The following ADGRL3 variants were observed in gnomAD, a reference collection of about 807,000 sequenced individuals.
The protein encoded by ADGRL3 is adhesion G protein-coupled receptor L3.
A neutral mutation model predicts 153.5 loss-of-function variants in ADGRL3; 62 were observed. That is an observed-to-expected ratio of 0.40 (90% CI 0.33 to 0.50). ADGRL3 has a LOEUF of 0.50. ADGRL3 is among the 20% of genes least tolerant of loss of function. The pLI, the probability that ADGRL3 is intolerant of heterozygous loss-of-function variation, is 0.47. For synonymous variants in ADGRL3, 710 were observed against 672.5 expected (o/e 1.06, Z -0.86); for missense variants, 1,641 against 1,859.4 (o/e 0.88, Z 2.16).
At chr4:61,510,436 T>C (rs1366333222) in intron 3 of ADGRL3, among the ~76,000 whole-genome samples, 4 of 152,214 alleles carry the variant, frequency 2.6e-5, no homozygotes, top group African/African-American at 7.2e-5. Context: ...TTTTTGCATA[T>C]GCTGAAAAGT....
At chr4:61,887,981 T>G (rs2098549136) in intron 9 of ADGRL3, among the ~76,000 whole-genome samples, 1 of 152,220 alleles carries the variant, frequency 6.6e-6, no homozygotes, top group East Asian at 1.9e-4. Flanking sequence ...GTTTATTCTT[T>G]TCAAGGCAGG....
At chr4:61,819,069 CATCTT>C (rs2097721093) in intron 9 of ADGRL3, among the ~76,000 whole-genome samples, 1 of 152,164 alleles carries the variant, frequency 6.6e-6, no homozygotes, top group African/African-American at 2.4e-5. Flanking sequence ...TATAACCCCT[CATCTT>C]AATTTATAAT....
intron 8 of ADGRL3, among the ~76,000 whole-genome samples, chr4:61,804,310 G>A (rs1006779001): frequency 2.6e-5 from 4 of 152,082 alleles, no homozygotes; most frequent in Non-Finnish European, 5.9e-5. Context: ...TAACTAACAT[G>A]CTGTCAAATC....
intron 2 of ADGRL3, among the ~76,000 whole-genome samples, chr4:61,464,974 A>G (rs1560679764): frequency 6.6e-6 from 1 of 152,012 alleles, no homozygotes; most frequent in East Asian, 1.9e-4. Context: ...GAACCAAAAA[A>G]CTCTGGGGTC....
chr4:61,435,045 A>T (rs1424888828), intron 2 of ADGRL3, among the ~76,000 whole-genome samples: 2 of 152,122 alleles, frequency 1.3e-5, no homozygotes, highest in African/African-American at 4.8e-5. Context: ...CATTTATGGT[A>T]GATGATATTG....
intron 1 of ADGRL3, among the ~76,000 whole-genome samples, chr4:61,257,001 T>C (rs2092033984): frequency 6.6e-6 from 1 of 152,118 alleles, no homozygotes; most frequent in African/African-American, 2.4e-5. Flanking sequence ...AATTGAAACA[T>C]GAAAATTATA....
At chr4:61,401,389 A>T (rs2096928617) in intron 2 of ADGRL3, among the ~76,000 whole-genome samples, 1 of 151,988 alleles carries the variant, frequency 6.6e-6, no homozygotes, top group African/African-American at 2.4e-5. Context: ...TAATCATTAA[A>T]CAATTATATT....
intron 8 of ADGRL3, among the ~76,000 whole-genome samples, chr4:61,750,190 A>C (rs2096735777): frequency 6.7e-6 from 1 of 150,264 alleles, no homozygotes; most frequent in South Asian, 2.1e-4. Context: ...GTTAAAAAAA[A>C]AAAAAAAAAA....
At chr4:61,768,324 A>G (rs2097029505) in intron 8 of ADGRL3, among the ~76,000 whole-genome samples, 1 of 151,942 alleles carries the variant, frequency 6.6e-6, no homozygotes, top group East Asian at 1.9e-4. Flanking sequence ...ATTGGGGCCT[A>G]GCTTGGCCTG....
At chr4:62,041,921 C>G (rs1408219316) in intron 24 of ADGRL3, among the ~76,000 whole-genome samples, 1 of 151,978 alleles carries the variant, frequency 6.6e-6, no homozygotes, top group Non-Finnish European at 1.5e-5. Flanking sequence ...TGACTGCATT[C>G]CAATGCTGGT....
intron 4 of ADGRL3, among the ~76,000 whole-genome samples, chr4:61,537,740 T>A (rs761753367): frequency 6.8e-4 from 104 of 152,292 alleles, no homozygotes; most frequent in Middle Eastern, 6.8e-3. Context: ...AGACATTTAA[T>A]TCTTCATTCT....
intron 6 of ADGRL3, among the ~76,000 whole-genome samples, chr4:61,727,080 C>T (rs913821534): frequency 4.6e-5 from 7 of 152,000 alleles, no homozygotes; most frequent in African/African-American, 1.7e-4. Flanking sequence ...TTAAACAATG[C>T]AATTCAAAGG....
At chr4:61,724,200 G>A (rs1005465551) in intron 6 of ADGRL3, among the ~76,000 whole-genome samples, 1 of 151,922 alleles carries the variant, frequency 6.6e-6, no homozygotes, top group African/African-American at 2.4e-5. Context: ...TTGTAACAAG[G>A]GTACGTCATT....
chr4:61,443,944 A>G (rs1315322288), intron 2 of ADGRL3, among the ~76,000 whole-genome samples: 2 of 152,106 alleles, frequency 1.3e-5, no homozygotes, highest in Non-Finnish European at 2.9e-5. Context: ...AATATATTTG[A>G]TTTTGATGCC....
intron 5 of ADGRL3, among the ~76,000 whole-genome samples, chr4:61,655,815 G>T (rs989106545): frequency 6.6e-6 from 1 of 152,116 alleles, no homozygotes; most frequent in East Asian, 1.9e-4. Flanking sequence ...AACTCTAAGT[G>T]TACAGTAAAC....
At chr4:61,349,307 A>G (rs2095992963) in intron 1 of ADGRL3, among the ~76,000 whole-genome samples, 1 of 152,114 alleles carries the variant, frequency 6.6e-6, no homozygotes. Context: ...ACATTTAAAA[A>G]GTGTTCTCTG....
At position 62,047,768 on chromosome 4, in the gene ADGRL3, T is replaced by G. The variant is rs1582050600; in HGVS notation, c.3814+3219T>G. On this transcript the variant is annotated intron_variant, in intron 25 of 26. Transcript: ENST00000683033. ...TTCACAAAATGTTTTCTGTATATTT[T>G]CAAATATTTTTCTCCAGCCAACTTG... Among the ~76,000 whole-genome samples the G allele has an allele frequency of 3.3e-5, 5 of 152,298 alleles. No homozygotes were observed. In the Middle Eastern group the frequency reaches 0.017, roughly 518 times the overall value.
intron 11 of ADGRL3, among the ~76,000 whole-genome samples, chr4:61,902,092 T>A (rs1231810548): frequency 6.6e-6 from 1 of 151,986 alleles, no homozygotes; most frequent in East Asian, 1.9e-4. Flanking sequence ...ATAACTGGAG[T>A]GAGAGAAGTA....
intron 4 of ADGRL3, among the ~76,000 whole-genome samples, chr4:61,534,708 A>C (rs539339396): frequency 6.6e-6 from 1 of 152,230 alleles, no homozygotes; most frequent in East Asian, 1.9e-4. Context: ...TGGATATTTT[A>C]AATGGGATTG....
Sources: gnomAD v4.1 joint callset for allele counts (sites outside exome capture counted in the v4.1 genomes callset) on GRCh38, gnomAD v4.1.1 for gene constraint, MANE v1.5 for transcripts, NCBI Gene and HGNC (gene_info 2026-07-23, HGNC 2026-07-21) for gene names.